STARD9: variants seen among roughly 807,000 people sequenced by gnomAD.
The protein encoded by STARD9 is stAR-related lipid transfer protein 9.
STARD9 carries 346 observed loss-of-function variants against 399.8 expected under a neutral mutation model. That is an observed-to-expected ratio of 0.87 (90% CI 0.79 to 0.95). STARD9 has a LOEUF of 0.95. STARD9 is among the 40% of genes least tolerant of loss of function. STARD9 has a pLI of 0.00. For missense variants in STARD9, 5,832 were observed against 5,667.5 expected (o/e 1.03, Z -0.93); for synonymous variants, 2,203 against 2,143.5 (o/e 1.03, Z -0.77).
chr15:42,612,208 C>T (rs1189783368), intron 3 of STARD9, among the ~76,000 whole-genome samples: 1 of 152,142 alleles, frequency 6.6e-6, no homozygotes, highest in Non-Finnish European at 1.5e-5. Flanking sequence ...AAACTCCTGG[C>T]CTCAAGTGAT....
chr15:42,648,023 C>T (rs538121552), intron 7 of STARD9, among the ~76,000 whole-genome samples: 2 of 152,104 alleles, frequency 1.3e-5, no homozygotes, highest in Non-Finnish European at 2.9e-5. Context: ...CTCAGTTTGT[C>T]CCTTCTTGAC....
rs537228496 is a variant in STARD9, at chr15:42,664,510, C to G, written c.1176+593C>G. Among the ~76,000 whole-genome samples, 3 of 152,148 alleles carry G rather than the reference C, an allele frequency of 2.0e-5. No homozygotes were observed. The East Asian group carries it at 5.8e-4, about 29-fold the overall frequency. ...TTCTGAGTAGCTGGAACCACAGGTG[C>G]CTGCCACCATGTTAGGCTGGTTTTC... On this transcript the variant is annotated intron_variant, in intron 13 of 32. Coordinates refer to ENST00000290607, the MANE Select transcript of STARD9 (RefSeq NM_020759.3).
At chr15:42,647,247 A>T (rs571142327) in intron 7 of STARD9, among the ~76,000 whole-genome samples, 27 of 152,294 alleles carry the variant, frequency 1.8e-4, no homozygotes, top group African/African-American at 6.0e-4. Context: ...ATATATTACT[A>T]TTTATCAGGT....
Position 42,689,832 on chromosome 15 carries a change from G to A in STARD9, c.8254G>A (p.Asp2752Asn). Residue 2752 changes from aspartate (D) to asparagine (N), a missense_variant, in exon 23 of 33, where the codon GAT becomes AAT. Asp to Asn is a conservative substitution (Grantham distance 23). Around this residue, in one of 2 missense-constraint regions of STARD9, gnomAD observed 5,828 missense variants for 5,651.1 expected, o/e 1.03. Transcript: ENST00000290607. ...AALPSQAPYD[D>N]PRVTLHELSQ... is the part of the protein sequence containing the mutation. ...CTTACCTTCTCAGGCCCCTTATGAT[G>A]ATCCTAGAGTGACTCTGCATGAGCT... is the stretch of plus-strand genomic sequence containing the variant. 9 of 1,537,274 alleles carry A rather than the reference G, an allele frequency of 5.9e-6. No homozygotes were observed. Among genetic ancestry groups the A allele is most frequent in the Non-Finnish European group, 7.8e-6 (9 of 1,146,912 alleles).
chr15:42,710,352 G>A (rs1177385907), intron 26 of STARD9, among the ~76,000 whole-genome samples: 1 of 151,674 alleles, frequency 6.6e-6, no homozygotes, highest in African/African-American at 2.4e-5. Context: ...GTGAGCCACC[G>A]TGCCTGGCCC....
chr15:42,664,912 T>C (rs1367532840), intron 13 of STARD9, among the ~76,000 whole-genome samples: 1 of 152,124 alleles, frequency 6.6e-6, no homozygotes, highest in East Asian at 1.9e-4. Context: ...CTACTACCTA[T>C]ACATGCCCTG....
Position 42,690,605 on chromosome 15 carries a change from G to C in STARD9, c.9027G>C (p.Glu3009Asp). ...VVPSRAYEMD[E>D]TGEISRGPDV... is the part of the protein sequence containing the mutation. ...CTTCCAGGGCCTATGAAATGGATGA[G>C]ACAGGAGAGATCTCTAGGGGACCTG... Residue 3009 changes from glutamate to aspartate, a missense_variant, in exon 23 of 33, where the codon GAG (glutamate) becomes GAC (aspartate). Transcript: ENST00000290607. 1 of 1,537,260 alleles carries C rather than the reference G, an allele frequency of 6.5e-7. No homozygotes were observed. Among genetic ancestry groups the C allele is most frequent in the Non-Finnish European group, 8.7e-7 (1 of 1,146,914 alleles).
rs552332723 is a variant in STARD9, at chr15:42,653,893, G to A, written c.702+1301G>A. On this transcript the variant is annotated intron_variant, in intron 9 of 32. Transcript: ENST00000290607. The stretch of plus-strand genomic sequence containing the variant: ...TACATAAAACCACAATTGTAACAAT[G>A]CATTTTTGTACATTGTCATATATGA... Among the ~76,000 whole-genome samples the A allele has an allele frequency of 3.3e-5, 5 of 152,198 alleles. No individual in the cohort carries two copies. In the East Asian group the frequency reaches 7.7e-4, roughly 23 times the overall value.
chr15:42,626,317 C>A (rs2059212515), intron 3 of STARD9, among the ~76,000 whole-genome samples: 1 of 150,956 alleles, frequency 6.6e-6, no homozygotes, highest in Non-Finnish European at 1.5e-5. Flanking sequence ...TCCTCTTCCT[C>A]TTCTTCCTCC....
At chr15:42,668,411 C>T (rs1361528733) in intron 15 of STARD9, among the ~76,000 whole-genome samples, 3 of 149,568 alleles carry the variant, frequency 2.0e-5, no homozygotes, top group Non-Finnish European at 4.4e-5. Context: ...CTCAGTTCTT[C>T]CATTCCCAGG....
In STARD9 at chr15:42,674,423, C is replaced by T. The variant is rs1363498826; in HGVS notation, c.1498-17C>T. ...TCCCTTTTAATTCTCATTAAAATGG[C>T]TTTTTTCCCCCTTTAGGAAGGGACA... is the stretch of plus-strand genomic sequence containing the variant. On this transcript the variant is annotated splice_polypyrimidine_tract_variant and intron_variant, in intron 16 of 32. Coordinates refer to ENST00000290607, the MANE Select transcript of STARD9 (RefSeq NM_020759.3). 2.6e-6 allele frequency: 4 copies of T among 1,520,474 alleles called. No individual in the cohort carries two copies. Among genetic ancestry groups the T allele is most frequent in the East Asian group, 2.4e-5 (1 of 40,906 alleles). 94.2% of individuals were successfully genotyped at this position (1,520,474 alleles called of 1,614,324 possible). A position where few individuals can be genotyped will look rare whatever the true frequency, so the allele number is the denominator to read the frequency against.
chr15:42,706,847 A>G (rs2061098532), intron 26 of STARD9, among the ~76,000 whole-genome samples: 1 of 152,214 alleles, frequency 6.6e-6, no homozygotes, highest in African/African-American at 2.4e-5. Context: ...CAGAATGGGT[A>G]TTTCAGAGTC....
intron 20 of STARD9, 64 bp downstream of exon 20, chr15:42,676,039 A>G (rs1436966738): frequency 7.9e-6 from 3 of 378,228 alleles, no homozygotes; most frequent in South Asian, 1.7e-5. Context: ...CCATGACAGC[A>G]TGGATCAGGG....
Position 42,675,854 on chromosome 15 carries a change from C to T in STARD9, c.1771-18C>T. The stretch of plus-strand genomic sequence containing the variant: ...AGGCGATGACAGCAGCCTCACTGTG[C>T]TTTCTTCCTTGTTCAAGGTTGGAGA... On this transcript the variant is annotated intron_variant, in intron 19 of 32. Transcript: ENST00000290607. 1 of 1,537,072 alleles carries T rather than the reference C, an allele frequency of 6.5e-7. No individual in the cohort carries two copies. The highest frequency in any genetic ancestry group is 8.7e-7 in the Non-Finnish European group (1 of 1,146,750).
chr15:42,666,805 AT>A (rs1040107389), intron 15 of STARD9, among the ~76,000 whole-genome samples: 1 of 151,372 alleles, frequency 6.6e-6, no homozygotes, highest in African/African-American at 2.4e-5. Flanking sequence ...TCCCAGAGAC[AT>A]TTTTTTTTAT....
rs748883186 is a variant in STARD9, at chr15:42,694,580, A to G, written c.12817A>G (p.Asn4273Asp). 1 of 1,537,166 alleles carries G rather than the reference A, an allele frequency of 6.5e-7. No homozygotes were observed. Among genetic ancestry groups the G allele is most frequent in the Non-Finnish European group, 8.7e-7 (1 of 1,146,884 alleles). ...LRRERAERLG[N>D]FCRTRSLSPQ... ...GAGAGAGCGGGCTGAGCGACTTGGG[A>G]ACTTCTGCCGGACGCGAAGCCTTAG... Residue 4273 changes from asparagine (N) to aspartate (D), a missense_variant, in exon 24 of 33, where the codon AAC (asparagine) becomes GAC (aspartate). Coordinates refer to ENST00000290607, the MANE Select transcript of STARD9 (RefSeq NM_020759.3).
At position 42,675,113 on chromosome 15, in the gene STARD9, A is replaced by G. The variant is rs954930415; in HGVS notation, c.1687+149A>G. Reference sequence around the variant, plus strand: ...TCTGAAGATTTTCTAATATGATCCTATTCCCATAAACAAGCCTTAATTCCA... The same window carrying G: ...TCTGAAGATTTTCTAATATGATCCTGTTCCCATAAACAAGCCTTAATTCCA... On this transcript the variant is annotated intron_variant, in intron 18 of 32. Transcript: ENST00000290607. 5 of 888,082 alleles carry G rather than the reference A, an allele frequency of 5.6e-6. No homozygotes were observed. In the South Asian group the frequency reaches 9.5e-5, roughly 17 times the overall value. 55.0% of individuals were successfully genotyped at this position (888,082 alleles called of 1,614,324 possible).
At chr15:42,665,447 G>A (rs773096434) in intron 14 of STARD9, 117 bp downstream of exon 14, 15 of 791,092 alleles carry the variant, frequency 1.9e-5, no homozygotes, top group Admixed American at 7.4e-5. Flanking sequence ...ACTCTCTTAC[G>A]GCAGAGACAG....
At chr15:42,681,791 A>C (rs1349075214) in intron 21 of STARD9, among the ~76,000 whole-genome samples, 179 bp downstream of exon 21, 3 of 152,168 alleles carry the variant, frequency 2.0e-5, no homozygotes, top group African/African-American at 7.2e-5. Context: ...TGGAAGCAAG[A>C]ATAAGGACGC....
Sources: gnomAD v4.1 joint callset for allele counts (sites outside exome capture counted in the v4.1 genomes callset) on GRCh38, gnomAD v4.1.1 for gene constraint, gnomAD v4.1.1 regional missense constraint, MANE v1.5 for transcripts, NCBI Gene and HGNC (gene_info 2026-07-23, HGNC 2026-07-21) for gene names.